Variants in PAK1 observed in about 807,000 individuals in gnomAD.
PAK1 encodes the protein p21 (RAC1) activated kinase 1.
In PAK1, 29 loss-of-function variants were observed where a neutral mutation model predicts 67.4. The ratio of observed to expected loss-of-function variants is 0.43; its 90% CI spans 0.32 to 0.59. The LOEUF is 0.59. Ranked by LOEUF, PAK1 falls within the 20% of genes least tolerant of loss-of-function variation. The probability of loss-of-function intolerance (pLI) is 0.07; values close to 1 mark genes in which losing one functional copy is unlikely to be tolerated. For missense variants in PAK1, 337 were observed against 670.7 expected (o/e 0.50, Z 5.50); for synonymous variants, 223 against 237.4 (o/e 0.94, Z 0.56).
At chr11:77,484,664 C>T in the PAK1 span, among the ~76,000 whole-genome samples, 1 of 152,176 alleles carries the variant, frequency 6.6e-6, no homozygotes, top group South Asian at 2.1e-4. Flanking sequence ...GCAGCAGTGC[C>T]TCAGTGACCA....
the PAK1 span, among the ~76,000 whole-genome samples, chr11:77,487,900 T>G: frequency 4.1e-4 from 63 of 152,264 alleles, 3 homozygotes; most frequent in South Asian, 0.013. Context: ...TGGCTTCTAT[T>G]GTAGAGCCCT....
chr11:77,418,491 G>A (rs910233073), intron 1 of PAK1, among the ~76,000 whole-genome samples: 2 of 152,128 alleles, frequency 1.3e-5, no homozygotes, highest in Non-Finnish European at 2.9e-5. Flanking sequence ...CCACTGCAAT[G>A]CCTTTGGCTG....
the PAK1 span, among the ~76,000 whole-genome samples, chr11:77,493,979 T>C: frequency 5.9e-5 from 9 of 152,226 alleles, no homozygotes; most frequent in Non-Finnish European, 1.3e-4. Context: ...ATGCCAATGC[T>C]GATGAGATTG....
intron 1 of PAK1, among the ~76,000 whole-genome samples, chr11:77,435,397 G>A (rs1286058190): frequency 6.6e-6 from 1 of 152,102 alleles, no homozygotes; most frequent in African/African-American, 2.4e-5. Context: ...GATAAAAATA[G>A]TAATCCCTGC....
At chr11:77,331,815 A>T (rs1319156703) in intron 14 of PAK1, among the ~76,000 whole-genome samples, 2 of 87,452 alleles carry the variant, frequency 2.3e-5, no homozygotes, top group African/African-American at 3.4e-5. Context: ...AAAAAGAATT[A>T]AAAAAAAAGA....
chr11:77,470,640 A>G (rs867337532), intron 1 of PAK1, among the ~76,000 whole-genome samples: 3 of 152,226 alleles, frequency 2.0e-5, no homozygotes, highest in Non-Finnish European at 2.9e-5. Flanking sequence ...CAAGGAAGAG[A>G]AACCTTTGTG....
the PAK1 span, among the ~76,000 whole-genome samples, chr11:77,517,028 A>T: frequency 6.6e-6 from 1 of 152,092 alleles, no homozygotes; most frequent in African/African-American, 2.4e-5. Flanking sequence ...AAAAATAAAT[A>T]AACTAACTAA....
the PAK1 span, among the ~76,000 whole-genome samples, chr11:77,509,454 GCC>G: frequency 6.6e-6 from 1 of 152,156 alleles, no homozygotes; most frequent in African/African-American, 2.4e-5. Context: ...GTTTATTAAA[GCC>G]TCTAAATTTT....
At chr11:77,336,619 A>C (rs1942732958) in intron 12 of PAK1, among the ~76,000 whole-genome samples, 1 of 152,160 alleles carries the variant, frequency 6.6e-6, no homozygotes, top group Admixed American at 6.5e-5. Context: ...CCATTCCCAT[A>C]ATCCCAAATC....
At chr11:77,470,692 G>A (rs1337126035) in intron 1 of PAK1, among the ~76,000 whole-genome samples, 1 of 152,140 alleles carries the variant, frequency 6.6e-6, no homozygotes, top group Non-Finnish European at 1.5e-5. Flanking sequence ...TATCACCAGA[G>A]AAAGACAAAA....
chr11:77,342,045 A>G (rs2136258158), intron 10 of PAK1, among the ~76,000 whole-genome samples: 1 of 152,270 alleles, frequency 6.6e-6, no homozygotes, highest in South Asian at 2.1e-4. Flanking sequence ...AAATCTAATC[A>G]CTAATGTTAT....
chr11:77,493,557 T>G, the PAK1 span, among the ~76,000 whole-genome samples: 1 of 147,702 alleles, frequency 6.8e-6, no homozygotes, highest in Admixed American at 6.9e-5. Context: ...CCTCCCAAAC[T>G]GTTGGGATTA....
chr11:77,347,294 C>G (rs1944576143), intron 9 of PAK1, among the ~76,000 whole-genome samples: 1 of 152,180 alleles, frequency 6.6e-6, no homozygotes, highest in East Asian at 1.9e-4. Context: ...GCCTGAGAGG[C>G]CAGAAGGGAC....
intron 1 of PAK1, among the ~76,000 whole-genome samples, chr11:77,447,374 G>C (rs1381686350): frequency 1.3e-5 from 2 of 152,046 alleles, no homozygotes; most frequent in Non-Finnish European, 2.9e-5. Context: ...ACAAAACTTG[G>C]AGGCGAAAGA....
intron 2 of PAK1, among the ~76,000 whole-genome samples, chr11:77,382,381 T>A (rs1565643379): frequency 6.6e-6 from 1 of 152,138 alleles, no homozygotes; most frequent in Non-Finnish European, 1.5e-5. Context: ...CACCTCCAAC[T>A]TTTTGCTTGC....
At chr11:77,377,568 A>G (rs146305776) in intron 4 of PAK1, among the ~76,000 whole-genome samples, 23 of 152,290 alleles carry the variant, frequency 1.5e-4, no homozygotes, top group Non-Finnish European at 3.1e-4. Flanking sequence ...GAATGTTTAT[A>G]TTTATACATA....
intron 9 of PAK1, among the ~76,000 whole-genome samples, chr11:77,348,855 G>A (rs1944817921): frequency 6.6e-6 from 1 of 152,080 alleles, no homozygotes; most frequent in African/African-American, 2.4e-5. Context: ...TGGGCACACT[G>A]GCTCATGCCT....
At chr11:77,367,501 A>G (rs764493586) in intron 5 of PAK1, among the ~76,000 whole-genome samples, 29 of 152,320 alleles carry the variant, frequency 1.9e-4, no homozygotes, top group Non-Finnish European at 2.9e-4. Flanking sequence ...TCAATTCTGG[A>G]AACAAGAATG....
At chr11:77,416,814 G>A (rs1338332792) in intron 1 of PAK1, among the ~76,000 whole-genome samples, 2 of 152,266 alleles carry the variant, frequency 1.3e-5, no homozygotes, top group Non-Finnish European at 2.9e-5. Context: ...TTAGCAGGGC[G>A]TGGTGGCGGG....
Sources: allele counts gnomAD v4.1 joint callset (sites outside exome capture counted in the v4.1 genomes callset), GRCh38; gene constraint gnomAD v4.1.1; transcripts MANE v1.5; gene names NCBI Gene and HGNC (gene_info 2026-07-23, HGNC 2026-07-21).